The following MYO3A variants were observed in gnomAD, a reference collection of about 807,000 sequenced individuals.
The protein encoded by MYO3A is myosin-IIIa.
In MYO3A, 180 loss-of-function variants were observed where a neutral mutation model predicts 192.7. That is an observed-to-expected ratio of 0.93 (90% CI 0.83 to 1.06). The LOEUF is 1.06. Ranked by LOEUF, MYO3A falls within the 50% of genes least tolerant of loss-of-function variation. The pLI is 0.00. For synonymous variants in MYO3A, 628 were observed against 645.3 expected, an observed-to-expected ratio of 0.97 and a Z score of 0.41; for missense variants, 1,896 against 1,905.0, an observed-to-expected ratio of 1.00 and a Z score of 0.09.
At chr10:26,030,531 G>C in intron 10 of MYO3A, among the ~76,000 whole-genome samples, 1 of 152,092 alleles carries the variant, frequency 6.6e-6, no homozygotes, top group East Asian at 1.9e-4. Context: ...AAACAGGCTT[G>C]GTTATGCCAC....
intron 6 of MYO3A, among the ~76,000 whole-genome samples, chr10:26,001,087 C>T (rs1840771493): frequency 6.6e-6 from 1 of 152,126 alleles, no homozygotes; most frequent in Non-Finnish European, 1.5e-5. Context: ...CCCACCAGGT[C>T]CCTCCCCCAA....
rs1379413436 is a variant in MYO3A, at chr10:26,016,878, G to T, written c.567G>T (p.Pro189=). Reference sequence around the variant, plus strand: ...GTCGGAACACATCCGTAGGAACACCGTTTTGGATGGCTCCTGAGGTCAGAT... The same window carrying T: ...GTCGGAACACATCCGTAGGAACACCTTTTTGGATGGCTCCTGAGGTCAGAT... The part of the protein sequence containing the change: ...RHRRNTSVGT[P]FWMAPEVIAC... Residue 189 remains proline (P), a synonymous_variant, in exon 7 of 35, where the codon CCG becomes CCT. Coordinates refer to ENST00000642920, the MANE Select transcript of MYO3A (RefSeq NM_017433.5). 1 of 1,614,036 alleles carries T rather than the reference G, an allele frequency of 6.2e-7. No homozygotes were observed. The highest frequency in any genetic ancestry group is 8.5e-7 in the Non-Finnish European group (1 of 1,180,020).
At chr10:26,008,356 T>C (rs954063557) in intron 6 of MYO3A, among the ~76,000 whole-genome samples, 8 of 148,322 alleles carry the variant, frequency 5.4e-5, no homozygotes, top group African/African-American at 2.1e-4. Context: ...CCAAAAGCAA[T>C]GGCAACAAAA....
rs1840290669 is a variant in MYO3A, at chr10:26,143,575, C to T, written c.2390C>T (p.Pro797Leu). The T allele has an allele frequency of 2.5e-6, 4 of 1,613,888 alleles. No homozygotes were observed. Among genetic ancestry groups the T allele is most frequent in the Non-Finnish European group, 2.5e-6 (3 of 1,179,950 alleles). Reference sequence around the variant, plus strand: ...CTACTTGATGAAGAAAGTAGATTTCCCAAGGCCACTGACCAGACTCTTGTA... The same window carrying T: ...CTACTTGATGAAGAAAGTAGATTTCTCAAGGCCACTGACCAGACTCTTGTA... ...LSLLDEESRF[P>L]KATDQTLVEK... Residue 797 changes from proline (P) to leucine (L), a missense_variant, in exon 21 of 35, where the codon CCC (proline) becomes CTC (leucine). Coordinates refer to ENST00000642920, the MANE Select transcript of MYO3A (RefSeq NM_017433.5).
intron 14 of MYO3A, among the ~76,000 whole-genome samples, chr10:26,085,913 T>A (rs1391540373): frequency 2.6e-5 from 4 of 152,168 alleles, no homozygotes; most frequent in Non-Finnish European, 4.4e-5. Context: ...TTCTTTTCCT[T>A]CTCTATGTGG....
Position 26,173,644 on chromosome 10 carries a change from G to T in MYO3A, c.3399-19G>T, listed in dbSNP as rs778127321. ...TCCAGTTTAGTACTGTATATTCAAA[G>T]ATAATATATTTTACACAGGGAATCT... On this transcript the variant is annotated intron_variant, in intron 29 of 34. Transcript: ENST00000642920. 6.2e-7 allele frequency: 1 copy of T among 1,603,188 alleles called. No homozygotes were observed. The highest frequency in any genetic ancestry group is 8.5e-7 in the Non-Finnish European group (1 of 1,171,598).
chr10:25,948,788 A>C (rs886488384), intron 2 of MYO3A, among the ~76,000 whole-genome samples: 1 of 152,146 alleles, frequency 6.6e-6, no homozygotes, highest in African/African-American at 2.4e-5. Context: ...TGAAGCAGTC[A>C]TTTTAAATGG....
chr10:25,997,707 C>G (rs115318846), intron 6 of MYO3A, among the ~76,000 whole-genome samples: 5 of 152,096 alleles, frequency 3.3e-5, no homozygotes, highest in Admixed American at 6.6e-5. Flanking sequence ...TCCTCAGGAC[C>G]CTTGCATGTC....
chr10:25,990,859 T>C (rs1029379948), intron 4 of MYO3A, among the ~76,000 whole-genome samples: 4 of 152,044 alleles, frequency 2.6e-5, no homozygotes, highest in African/African-American at 7.2e-5. Context: ...TTTTTATGGC[T>C]GCATAGTATT....
intron 6 of MYO3A, among the ~76,000 whole-genome samples, chr10:26,015,168 T>C (rs960796948): frequency 1.3e-5 from 2 of 151,938 alleles, no homozygotes; most frequent in Admixed American, 1.3e-4. Flanking sequence ...TGACTTTTAA[T>C]AGATTATTGC....
At chr10:26,170,587 G>C (rs1842003618) in intron 29 of MYO3A, 48 bp downstream of exon 29, 1 of 1,559,608 alleles carries the variant, frequency 6.4e-7, no homozygotes, top group South Asian at 1.2e-5. Flanking sequence ...AGATTTTTCA[G>C]ATCTGTAAGG....
At chr10:25,995,535 A>G (rs1443661632) in intron 4 of MYO3A, among the ~76,000 whole-genome samples, 3 of 152,218 alleles carry the variant, frequency 2.0e-5, no homozygotes, top group South Asian at 4.1e-4. Flanking sequence ...GCTTTGTTCC[A>G]TTGCTGGTGA....
intron 17 of MYO3A, among the ~76,000 whole-genome samples, chr10:26,118,481 T>C (rs922658712): frequency 2.6e-5 from 4 of 152,190 alleles, no homozygotes; most frequent in African/African-American, 9.7e-5. Flanking sequence ...ACCTAGACCA[T>C]TGCAGTAGCT....
At chr10:26,092,502 C>T (rs1276009679) in intron 15 of MYO3A, among the ~76,000 whole-genome samples, 1 of 151,954 alleles carries the variant, frequency 6.6e-6, no homozygotes, top group African/African-American at 2.4e-5. Flanking sequence ...TATTAGCTTT[C>T]TAAGTCTGAT....
At chr10:26,051,817 G>A (rs180947174) in intron 10 of MYO3A, among the ~76,000 whole-genome samples, 1 of 152,080 alleles carries the variant, frequency 6.6e-6, no homozygotes, top group African/African-American at 2.4e-5. Context: ...ATCCATTTAT[G>A]TGTTGACTGT....
chr10:25,976,958 T>C (rs535641108), intron 4 of MYO3A, among the ~76,000 whole-genome samples: 2 of 152,332 alleles, frequency 1.3e-5, no homozygotes, highest in Admixed American at 1.3e-4. Flanking sequence ...TCATTTAAGA[T>C]ATTTTAATTC....
At chr10:25,948,236 A>G (rs950217029) in intron 2 of MYO3A, among the ~76,000 whole-genome samples, 5 of 152,174 alleles carry the variant, frequency 3.3e-5, no homozygotes, top group African/African-American at 1.2e-4. Context: ...TTATTTTATT[A>G]AAGAAGAATT....
Position 26,139,661 on chromosome 10 carries a change from G to T in MYO3A, c.2263-3787G>T, listed in dbSNP as rs189574951. Among the ~76,000 whole-genome samples, 25 of 152,266 alleles carry T rather than the reference G, an allele frequency of 1.6e-4. No homozygotes were observed. The East Asian group carries it at 4.8e-3, about 30-fold the overall frequency. ...AATCCCAGCACTTTGGGAGGCCAAG[G>T]TTGGGGTGCGGTGGGGGAATCATTT... is the stretch of plus-strand genomic sequence containing the variant. On this transcript the variant is annotated intron_variant, in intron 20 of 34. Transcript: ENST00000642920.
At position 25,964,531 on chromosome 10, in the gene MYO3A, T is replaced by C. The variant is rs138576183; in HGVS notation, c.303+9523T>C. On this transcript the variant is annotated intron_variant, in intron 4 of 34. Transcript: ENST00000642920. Reference sequence around the variant, plus strand: ...CTGATTTTTAACTTTTTGTTGTTTCTATTTATATCTTATTGTACTATGTCT... The same window carrying C: ...CTGATTTTTAACTTTTTGTTGTTTCCATTTATATCTTATTGTACTATGTCT... Among the ~76,000 whole-genome samples the C allele has an allele frequency of 1.8e-3, 271 of 152,340 alleles. 1 individual carries two copies. The highest frequency in any genetic ancestry group is 6.4e-3 in the African/African-American group (266 of 41,580).
Sources: gnomAD v4.1 joint callset for allele counts (sites outside exome capture counted in the v4.1 genomes callset) on GRCh38, gnomAD v4.1.1 for gene constraint, MANE v1.5 for transcripts, NCBI Gene and HGNC (gene_info 2026-07-23, HGNC 2026-07-21) for gene names.